Variants in EYA4 observed in about 807,000 individuals in gnomAD.
EYA4 encodes the protein EYA transcriptional coactivator and phosphatase 4.
Under a neutral mutation model 87.9 loss-of-function variants are expected in EYA4, and 31 were observed. The ratio of observed to expected loss-of-function variants is 0.35; its 90% confidence interval spans 0.27 to 0.48. EYA4 has a LOEUF of 0.48. Ranked by LOEUF, EYA4 falls within the 20% of genes least tolerant of loss-of-function variation. EYA4 has a pLI of 0.99. For missense variants in EYA4, 678 were observed against 761.4 expected (o/e 0.89, Z 1.29); for synonymous variants, 263 against 270.6 (o/e 0.97, Z 0.28).
intron 1 of EYA4, among the ~76,000 whole-genome samples, chr6:133,273,994 T>C (rs538476496): frequency 6.6e-4 from 101 of 152,274 alleles, no homozygotes; most frequent in African/African-American, 2.3e-3. Context: ...TGTCTTCTAT[T>C]GCTACTATGA....
At chr6:133,258,599 A>G (rs1001476196) in intron 1 of EYA4, among the ~76,000 whole-genome samples, 11 of 151,998 alleles carry the variant, frequency 7.2e-5, no homozygotes, top group Non-Finnish European at 1.6e-4. Flanking sequence ...CTCCCCTTCT[A>G]TAGAGAGTTT....
At chr6:133,392,640 T>C (rs1355174484) in intron 3 of EYA4, among the ~76,000 whole-genome samples, 2 of 152,212 alleles carry the variant, frequency 1.3e-5, no homozygotes, top group African/African-American at 4.8e-5. Context: ...CCAAATTTTC[T>C]ACAGTGGATA....
Position 133,339,530 on chromosome 6 carries a change from G to A in EYA4, c.34-42862G>A, listed in dbSNP as rs141021651. The stretch of plus-strand genomic sequence containing the variant: ...CTGTAAAGCAGAGGTTGTCCCTGGA[G>A]AGGAGAAGGAAATATGCAAGAGAAA... On this transcript the variant is annotated intron_variant, in intron 2 of 19. Coordinates refer to ENST00000355286, the MANE Select transcript of EYA4 (RefSeq NM_004100.5). Among the ~76,000 whole-genome samples, 52 of 152,294 alleles carry A rather than the reference G, an allele frequency of 3.4e-4. No individual in the cohort carries two copies. In the Middle Eastern group the frequency reaches 0.014, roughly 40 times the overall value.
At chr6:133,287,512 T>C (rs1283910364) in intron 2 of EYA4, among the ~76,000 whole-genome samples, 1 of 149,562 alleles carries the variant, frequency 6.7e-6, no homozygotes, top group Non-Finnish European at 1.5e-5. Context: ...TGTGAGGCAG[T>C]GGGAAATCTG....
chr6:133,521,205 A>G (rs1038261510), intron 17 of EYA4, among the ~76,000 whole-genome samples: 17 of 152,082 alleles, frequency 1.1e-4, no homozygotes, highest in African/African-American at 3.6e-4. Context: ...AAATTTTCGC[A>G]ACCTACTCAT....
At chr6:133,382,167 G>C (rs1243004019) in intron 2 of EYA4, among the ~76,000 whole-genome samples, 1 of 152,124 alleles carries the variant, frequency 6.6e-6, no homozygotes, top group Non-Finnish European at 1.5e-5. Context: ...AGTTATTTCA[G>C]CTGAACATTT....
At chr6:133,382,367 A>T (rs1194992288) in intron 2 of EYA4, 25 bp from the exon 3 acceptor site, 1 of 1,549,126 alleles carries the variant, frequency 6.5e-7, no homozygotes, top group Admixed American at 1.7e-5. Context: ...TTCATATGAG[A>T]ATAACTAGTA....
intron 2 of EYA4, among the ~76,000 whole-genome samples, chr6:133,328,841 G>A (rs1375002324): frequency 6.6e-6 from 1 of 152,094 alleles, no homozygotes; most frequent in Non-Finnish European, 1.5e-5. Context: ...AGGTTGTTAT[G>A]GGTAAATGTC....
rs66590855 is a variant in EYA4, at chr6:133,320,480, G to GTT, written c.33+45675_33+45676dup. ...AGTTAATTAAATCTATATTTTACTTGTTTTTTTTTCTCTTTTATCCTGTTG... is the reference window on the plus strand; with the variant it reads ...AGTTAATTAAATCTATATTTTACTTGTTTTTTTTTTTCTCTTTTATCCTGTTG... On this transcript the variant is annotated intron_variant, in intron 2 of 19. Coordinates refer to ENST00000355286, the MANE Select transcript of EYA4 (RefSeq NM_004100.5). Among the ~76,000 whole-genome samples the GTT allele has an allele frequency of 8.1e-3, 1,215 of 149,504 alleles. 4 individuals are homozygous for GTT. Among genetic ancestry groups the GTT allele is most frequent in the Middle Eastern group, 0.028 (8 of 288 alleles).
Position 133,523,148 on chromosome 6 carries a change from T to C in EYA4, c.1709T>C (p.Ile570Thr). Residue 570 changes from isoleucine (I) to threonine (T), a missense_variant, in exon 18 of 20, where the codon ATT (isoleucine) becomes ACT (threonine). Transcript: ENST00000355286. ...LLYSLGGAFP[I>T]ENIYSATKIG... ...TATAGTTTAGGAGGTGCTTTCCCCA[T>C]TGAGAATATTTACAGTGCAACTAAA... 3 of 1,612,152 alleles carry C rather than the reference T, an allele frequency of 1.9e-6. No homozygotes were observed. Among genetic ancestry groups the C allele is most frequent in the East Asian group, 2.2e-5 (1 of 44,812 alleles).
At chr6:133,473,729 G>T (rs904004697) in intron 11 of EYA4, among the ~76,000 whole-genome samples, 12 of 151,880 alleles carry the variant, frequency 7.9e-5, no homozygotes, top group African/African-American at 2.9e-4. Flanking sequence ...GGGGCTCTCT[G>T]TTTTGGCTTT....
At chr6:133,268,214 C>T (rs1776384076) in intron 1 of EYA4, among the ~76,000 whole-genome samples, 1 of 152,154 alleles carries the variant, frequency 6.6e-6, no homozygotes. Flanking sequence ...ATTTTTATGT[C>T]CTCAGTAAGT....
rs563879135 is a variant in EYA4, at chr6:133,453,870, G to T, written c.278-2686G>T. Among the ~76,000 whole-genome samples the T allele has an allele frequency of 2.9e-3, 444 of 152,098 alleles. 3 individuals carry two copies. The highest frequency in any genetic ancestry group is 0.01 in the African/African-American group (430 of 41,502). ...CAGGGATGGCTTTTCTCAGTAAAATGAACTTCCTTTGTCTATCTTTGACTA... is the reference window on the plus strand; with the variant it reads ...CAGGGATGGCTTTTCTCAGTAAAATTAACTTCCTTTGTCTATCTTTGACTA... On this transcript the variant is annotated intron_variant, in intron 5 of 19. Transcript: ENST00000355286.
At chr6:133,401,696 A>G (rs981349304) in intron 3 of EYA4, among the ~76,000 whole-genome samples, 2 of 152,150 alleles carry the variant, frequency 1.3e-5, no homozygotes, top group African/African-American at 4.8e-5. Flanking sequence ...TTTCTTGATG[A>G]CTAAATTAGA....
At chr6:133,265,495 C>G (rs1776145883) in intron 1 of EYA4, among the ~76,000 whole-genome samples, 2 of 152,078 alleles carry the variant, frequency 1.3e-5, no homozygotes, top group Admixed American at 1.3e-4. Context: ...ATGTTCTCAT[C>G]TTTTTCTCAT....
chr6:133,337,572 A>G (rs1448581857), intron 2 of EYA4, among the ~76,000 whole-genome samples: 1 of 152,166 alleles, frequency 6.6e-6, no homozygotes, highest in Non-Finnish European at 1.5e-5. Flanking sequence ...TCATTTGTAT[A>G]TATTGGGTAG....
intron 5 of EYA4, among the ~76,000 whole-genome samples, chr6:133,449,883 T>C (rs374195660): frequency 2.0e-4 from 30 of 152,330 alleles, no homozygotes; most frequent in African/African-American, 6.7e-4. Context: ...ATGTGTAAAC[T>C]GGGCTAAAGA....
intron 2 of EYA4, among the ~76,000 whole-genome samples, chr6:133,361,095 C>A (rs1036588047): frequency 6.6e-6 from 1 of 152,174 alleles, no homozygotes; most frequent in African/African-American, 2.4e-5. Flanking sequence ...CACTGGCCTA[C>A]TTATCACAAT....
intron 11 of EYA4, among the ~76,000 whole-genome samples, chr6:133,478,089 C>G (rs1347719015): frequency 6.6e-6 from 1 of 151,922 alleles, no homozygotes; most frequent in Admixed American, 6.6e-5. Context: ...AATAAAAAAA[C>G]GCTAACAATA....
Sources: gnomAD v4.1 joint callset for allele counts (sites outside exome capture counted in the v4.1 genomes callset) on GRCh38, gnomAD v4.1.1 for gene constraint, MANE v1.5 for transcripts, NCBI Gene and HGNC (gene_info 2026-07-23, HGNC 2026-07-21) for gene names.